Variants in ALOX12 observed in about 807,000 individuals in gnomAD.
ALOX12 encodes the protein arachidonate 12-lipoxygenase, 12S type.
A neutral mutation model predicts 85.5 loss-of-function variants in ALOX12; 62 were observed. That is an observed-to-expected ratio of 0.73 (90% CI 0.59 to 0.90). The LOEUF is 0.90. ALOX12 is among the 40% of genes least tolerant of loss of function. ALOX12 has a pLI of 0.00. For synonymous variants in ALOX12, 299 were observed against 332.7 expected (o/e 0.90, Z 1.10); for missense variants, 751 against 856.5 (o/e 0.88, Z 1.54).
At chr17:7,004,062 ATAAATTTTAATT>A (rs1436045770) in intron 8 of ALOX12, among the ~76,000 whole-genome samples, 1 of 37,876 alleles carries the variant, frequency 2.6e-5, no homozygotes, top group Non-Finnish European at 7.6e-5. Flanking sequence ...TTTTAATTTA[ATAAATTTTAATT>A]TATTAAAATT....
intron 7 of ALOX12, 194 bp from the exon 8 acceptor site, chr17:7,001,408 A>G (rs993881874): frequency 8.1e-6 from 5 of 615,448 alleles, no homozygotes; most frequent in African/African-American, 3.7e-5. Context: ...CCCTTCTTCC[A>G]GTCCCTCCTG....
chr17:7,003,487 C>T (rs367641710), intron 8 of ALOX12, among the ~76,000 whole-genome samples: 6 of 152,216 alleles, frequency 3.9e-5, no homozygotes, highest in East Asian at 3.9e-4. Context: ...AGTCCAGTGG[C>T]GTAATCATAA....
At chr17:7,003,715 G>A (rs144766380) in intron 8 of ALOX12, among the ~76,000 whole-genome samples, 3 of 152,206 alleles carry the variant, frequency 2.0e-5, no homozygotes, top group African/African-American at 4.8e-5. Context: ...GGCACATGCC[G>A]CCACACCCAG....
rs1909295667 is a variant in ALOX12, at chr17:7,009,853, G to A, written c.1641+6G>A. ...CCGCCATCAACCAGGGCCAGGTATG[G>A]ACAGCTGAAAGCCCAGGTCCCTGAA... On this transcript the variant is annotated splice_donor_region_variant and intron_variant, in intron 12 of 13. Transcript: ENST00000251535. 6.2e-7 allele frequency: 1 copy of A among 1,614,034 alleles called. No homozygotes were observed. Among genetic ancestry groups the A allele is most frequent in the African/African-American group, 1.3e-5 (1 of 74,910 alleles).
At position 6,996,134 on chromosome 17, in the gene ALOX12, T is replaced by TG; in HGVS notation, c.17_18insG (p.Ile6MetfsTer45). On this transcript the variant is annotated frameshift_variant, in exon 1 of 14. Coordinates refer to ENST00000251535, the MANE Select transcript of ALOX12 (RefSeq NM_000697.3). LOFTEE classifies it high-confidence loss of function. ...GGGGGCGCCATGGGCCGCTACCGCA[T>TG]CCGCGTGGCCACCGGGGCCTGGCTC... The TG allele has an allele frequency of 1.6e-6, 2 of 1,252,182 alleles. No homozygotes were observed. Among genetic ancestry groups the TG allele is most frequent in the Non-Finnish European group, 2.0e-6 (2 of 991,540 alleles). 77.6% of individuals were successfully genotyped at this position (1,252,182 alleles called of 1,614,324 possible).
chr17:6,997,095 G>A (rs1597849093), intron 2 of ALOX12, 68 bp downstream of exon 2: 2 of 1,475,318 alleles, frequency 1.4e-6, no homozygotes, highest in Admixed American at 2.2e-5. Flanking sequence ...GGAGGGCAGA[G>A]TTAAGGACGG....
At position 7,001,915 on chromosome 17, in the gene ALOX12, T is replaced by C. The variant is rs564869491; in HGVS notation, c.1161+104T>C. 18 of 947,732 alleles carry C rather than the reference T, an allele frequency of 1.9e-5. No individual in the cohort carries two copies. The Admixed American group carries it at 3.2e-4, about 17-fold the overall frequency. 58.7% of individuals were successfully genotyped at this position (947,732 alleles called of 1,614,324 possible). A position where few individuals can be genotyped will look rare whatever the true frequency, so the allele number is the denominator to read the frequency against. On this transcript the variant is annotated intron_variant, in intron 8 of 13. Coordinates refer to ENST00000251535, the MANE Select transcript of ALOX12 (RefSeq NM_000697.3). The stretch of plus-strand genomic sequence containing the variant: ...AGCAAAAACTCTTTGTAGCAATTTG[T>C]GAGTGAAGAGGAGACTGTCTCAATA...
rs753085888 is a variant in ALOX12 at position 7,010,030 on chromosome 17, G to A, written c.1716G>A (p.Val572=). 1 of 1,614,228 alleles carries A rather than the reference G, an allele frequency of 6.2e-7. No homozygotes were observed. Among genetic ancestry groups the A allele is most frequent in the Non-Finnish European group, 8.5e-7 (1 of 1,180,034 alleles). The part of the protein sequence containing the change: ...RMPPPTTKED[V]TMATVMGSLP... ...CCCCACCCACCACCAAGGAAGATGT[G>A]ACGATGGCCACAGTGATGGGGTCAC... is the stretch of plus-strand genomic sequence containing the variant. The change falls in exon 13 of 14, where the codon GTG becomes GTA. Residue 572 remains valine (V), a synonymous_variant. Transcript: ENST00000251535.
intron 8 of ALOX12, chr17:7,002,483 C>A (rs1472534795): frequency 2.1e-6 from 1 of 468,984 alleles, no homozygotes; most frequent in East Asian, 6.9e-5. Context: ...GTTATACTGA[C>A]CTAGAAATAC....
At chr17:6,997,555 ATTTT>A (rs56091558) in intron 2 of ALOX12, among the ~76,000 whole-genome samples, 34 of 104,302 alleles carry the variant, frequency 3.3e-4, no homozygotes, top group African/African-American at 1.0e-3. Flanking sequence ...CAAATAGTGA[ATTTT>A]TTTTTTTTTT....
At chr17:7,001,567 C>A (rs369334699) in intron 7 of ALOX12, 35 bp from the exon 8 acceptor site, 2 of 1,548,528 alleles carry the variant, frequency 1.3e-6, no homozygotes, top group South Asian at 1.1e-5. Flanking sequence ...ATGTCATATA[C>A]GGAATGGGAG....
chr17:7,004,676 T>C (rs1394949378), intron 8 of ALOX12, among the ~76,000 whole-genome samples: 1 of 152,132 alleles, frequency 6.6e-6, no homozygotes, highest in Non-Finnish European at 1.5e-5. Flanking sequence ...ATAGCTCTTC[T>C]AGTTCTGACA....
chr17:7,003,396 A>G (rs1644571690), intron 8 of ALOX12, among the ~76,000 whole-genome samples: 1 of 152,190 alleles, frequency 6.6e-6, no homozygotes, highest in Non-Finnish European at 1.5e-5. Context: ...GGTGTGACAC[A>G]AGCTAAATGC....
Position 6,999,448 on chromosome 17 carries a change from A to G in ALOX12, c.789A>G (p.Gln263=). Residue 263 remains glutamine, a synonymous_variant, in exon 6 of 14, where the codon CAA becomes CAG. Coordinates refer to ENST00000251535, the MANE Select transcript of ALOX12 (RefSeq NM_000697.3). The stretch of plus-strand genomic sequence containing the variant: ...CGGGGATGGAAGAGCTTCAGGCTCA[A>G]CTGGAGAAAGAACTTCAGGTACCTC... The part of the protein sequence containing the change: ...LPSGMEELQA[Q]LEKELQNGSL... The G allele has an allele frequency of 6.2e-7, 1 of 1,614,090 alleles. No individual in the cohort carries two copies. The highest frequency in any genetic ancestry group is 8.5e-7 in the Non-Finnish European group (1 of 1,179,992).
At chr17:7,002,892 G>A (rs1908776990) in intron 8 of ALOX12, among the ~76,000 whole-genome samples, 1 of 152,172 alleles carries the variant, frequency 6.6e-6, no homozygotes, top group Non-Finnish European at 1.5e-5. Flanking sequence ...GGAGTTTGAT[G>A]TATTGGCAAG....
Position 7,000,601 on chromosome 17 carries a change from A to C in ALOX12, c.951+122A>C, listed in dbSNP as rs1908663062. 8.3e-7 allele frequency: 1 copy of C among 1,208,564 alleles called. No homozygotes were observed. The highest frequency in any genetic ancestry group is 1.2e-6 in the Non-Finnish European group (1 of 856,182). 74.9% of individuals were successfully genotyped at this position (1,208,564 alleles called of 1,614,324 possible). On this transcript the variant is annotated intron_variant, in intron 7 of 13. Coordinates refer to ENST00000251535, the MANE Select transcript of ALOX12 (RefSeq NM_000697.3). The surrounding 1 kb of genome is among the most constrained non-coding windows in gnomAD (Gnocchi z 4.6). ...TCCTCACTCAGTGAGACTTGTCTTC[A>C]TGTCACTATTTGCCTGTACCCTCGT...
At chr17:6,996,741 G>C in intron 1 of ALOX12, 85 bp from the exon 2 acceptor site, 1 of 1,452,174 alleles carries the variant, frequency 6.9e-7, no homozygotes, top group Non-Finnish European at 9.3e-7. Flanking sequence ...GAGAAACTGA[G>C]GTTGCACAGG....
chr17:7,010,034 A>G lies in ALOX12; in HGVS notation c.1720A>G (p.Met574Val). The G allele has an allele frequency of 5.0e-6, 8 of 1,614,192 alleles. No homozygotes were observed. The highest frequency in any genetic ancestry group is 6.8e-6 in the Non-Finnish European group (8 of 1,180,038). Residue 574 changes from methionine to valine, a missense_variant, in exon 13 of 14, where the codon ATG becomes GTG. Physicochemically the swap from Met to Val is conservative, Grantham distance 21 (BLOSUM62 1). Transcript: ENST00000251535. ...PPPTTKEDVTMATVMGSLPDV... is the reference protein window; with the variant it reads ...PPPTTKEDVTVATVMGSLPDV... ...ACCCACCACCAAGGAAGATGTGACG[A>G]TGGCCACAGTGATGGGGTCACTACC...
intron 8 of ALOX12, chr17:7,002,626 TAAAAA>T (rs1221882157): frequency 2.5e-6 from 1 of 396,426 alleles, no homozygotes; most frequent in Non-Finnish European, 5.0e-6. Flanking sequence ...GGTCTCTAAA[TAAAAA>T]GAAAGAAAGA....
Sources: allele counts gnomAD v4.1 joint callset (sites outside exome capture counted in the v4.1 genomes callset), GRCh38; gene constraint gnomAD v4.1.1; non-coding constraint Gnocchi (gnomAD v3.1); transcripts MANE v1.5; gene names NCBI Gene and HGNC (gene_info 2026-07-23, HGNC 2026-07-21).